Variants in SLC22A13 observed in about 807,000 individuals in gnomAD.
The protein encoded by SLC22A13 is solute carrier family 22 member 13, also known as organic anion transporter 10.
Under a neutral mutation model 49.1 loss-of-function variants are expected in SLC22A13, and 42 were observed. The observed-to-expected ratio is 0.85, with a 90% CI of 0.67 to 1.11. The LOEUF (loss-of-function observed/expected upper bound fraction) is 1.11. SLC22A13 is among the 50% of genes least tolerant of loss of function. SLC22A13 has a pLI of 0.00. For synonymous variants in SLC22A13, 282 were observed against 293.1 expected (o/e 0.96, Z 0.39); for missense variants, 694 against 712.8 (o/e 0.97, Z 0.30).
chr3:38,274,210 G>C, intron 1 of SLC22A13, 62 bp from the exon 2 acceptor site: 1 of 1,210,736 alleles, frequency 8.3e-7, no homozygotes, highest in South Asian at 1.2e-5. Context: ...TAGTGGGACA[G>C]GTGGTGTAGG....
intron 1 of SLC22A13, among the ~76,000 whole-genome samples, chr3:38,269,294 G>A (rs926846512): frequency 6.6e-6 from 1 of 151,710 alleles, no homozygotes; most frequent in Non-Finnish European, 1.5e-5. Flanking sequence ...GTCTTGCTCT[G>A]TCACCCAGGC....
chr3:38,274,244 G>T, intron 1 of SLC22A13, 28 bp from the exon 2 acceptor site: 1 of 1,547,382 alleles, frequency 6.5e-7, no homozygotes, highest in South Asian at 1.1e-5. Flanking sequence ...GCAGCCCCTG[G>T]ACTCACATCT....
chr3:38,274,898 A>G, intron 3 of SLC22A13, 91 bp from the exon 4 acceptor site: 1 of 1,563,424 alleles, frequency 6.4e-7, no homozygotes, highest in Non-Finnish European at 8.8e-7. Flanking sequence ...CTGTGTTGGC[A>G]CTGAGGCCCA....
chr3:38,272,874 C>T lies in SLC22A13; in HGVS notation c.379-1398C>T, dbSNP rs531516266. Among the ~76,000 whole-genome samples the T allele has an allele frequency of 8.5e-5, 13 of 152,300 alleles. No individual in the cohort carries two copies. In the South Asian group the frequency reaches 2.7e-3, roughly 32 times the overall value. ...ATTCATTCAGCAGACATCCTCTTAG[C>T]CTTCACTCAGATTCATTCCCTGTCT... On this transcript the variant is annotated intron_variant, in intron 1 of 9. Coordinates refer to ENST00000311856, the MANE Select transcript of SLC22A13 (RefSeq NM_004256.4).
chr3:38,271,602 G>A (rs1346010155), intron 1 of SLC22A13, among the ~76,000 whole-genome samples: 2 of 150,482 alleles, frequency 1.3e-5, no homozygotes, highest in African/African-American at 2.5e-5. Flanking sequence ...CTTGGAATGG[G>A]AAGGTGGGAA....
chr3:38,267,975 G>A (rs1212651041), intron 1 of SLC22A13, among the ~76,000 whole-genome samples: 1 of 152,106 alleles, frequency 6.6e-6, no homozygotes, highest in African/African-American at 2.4e-5. Context: ...GAGGGGTAGG[G>A]GTATAGGAAT....
chr3:38,276,911 G>A lies in SLC22A13; in HGVS notation c.1347-1G>A. 4 of 1,613,132 alleles carry A rather than the reference G, an allele frequency of 2.5e-6. No homozygotes were observed. Among genetic ancestry groups the A allele is most frequent in the African/African-American group, 1.3e-5 (1 of 75,036 alleles). On this transcript the variant is annotated splice_acceptor_variant, in intron 8 of 9. Coordinates refer to ENST00000311856, the MANE Select transcript of SLC22A13 (RefSeq NM_004256.4). LOFTEE classifies it high-confidence loss of function. ...CTTAGCTTGCCCTGGTCTTCCCCCA[G>A]GCAGACAGGCATGGGGCTGGTGGGC...
intron 8 of SLC22A13, 103 bp from the exon 9 acceptor site, chr3:38,276,809 G>A: frequency 1.0e-6 from 1 of 998,964 alleles, no homozygotes; most frequent in South Asian, 1.5e-5. Flanking sequence ...TGGAGACCCT[G>A]CAGACCTTTG....
Position 38,266,107 on chromosome 3 carries a change from T to TG in SLC22A13, c.248dup (p.Cys83TrpfsTer23), listed in dbSNP as rs1351221404. The TG allele has an allele frequency of 6.2e-7, 1 of 1,614,096 alleles. No homozygotes were observed. On this transcript the variant is annotated frameshift_variant, in exon 1 of 10. Coordinates refer to ENST00000311856, the MANE Select transcript of SLC22A13 (RefSeq NM_004256.4). LOFTEE classifies it high-confidence loss of function. Reference sequence around the variant, plus strand: ...GGACACTGCAGGTCACCCAGAGCCCTGCCTCATGTTCCGGCCACCCCCCGC... The same window carrying TG: ...GGACACTGCAGGTCACCCAGAGCCCTGGCCTCATGTTCCGGCCACCCCCCGC...
intron 1 of SLC22A13, among the ~76,000 whole-genome samples, chr3:38,273,491 G>T (rs527567047): frequency 8.5e-5 from 13 of 152,162 alleles, no homozygotes; most frequent in African/African-American, 3.1e-4. Flanking sequence ...CTGATTGCCT[G>T]TGAATGGTGG....
At chr3:38,275,555 C>T in intron 5 of SLC22A13, 23 bp from the exon 6 acceptor site, 1 of 1,614,026 alleles carries the variant, frequency 6.2e-7, no homozygotes, top group Non-Finnish European at 8.5e-7. Flanking sequence ...TGCCTGGCTT[C>T]TCACTCTGCT....
rs140329485 is a variant in SLC22A13 at position 38,266,177 on chromosome 3, C to T, written c.317C>T (p.Thr106Met). 225 of 1,614,196 alleles carry T rather than the reference C, an allele frequency of 1.4e-4. No homozygotes were observed. The highest frequency in any genetic ancestry group is 2.8e-4 in the Admixed American group (17 of 60,028). Reference protein sequence around the residue: ...QDILSHRFNETQPCDMGWEYP... With the variant: ...QDILSHRFNEMQPCDMGWEYP... ...ATCCTCAGCCACCGCTTCAATGAGA[C>T]GCAGCCTTGTGATATGGGCTGGGAA... The change falls in exon 1 of 10, where the codon ACG becomes ATG. Residue 106 changes from threonine (T) to methionine (M), a missense_variant. Physicochemically the swap from Thr to Met is moderately conservative, Grantham distance 81. Transcript: ENST00000311856.
At chr3:38,271,329 C>T (rs534251485) in intron 1 of SLC22A13, among the ~76,000 whole-genome samples, 1 of 152,012 alleles carries the variant, frequency 6.6e-6, no homozygotes, top group East Asian at 1.9e-4. Flanking sequence ...CTTTGGGAGG[C>T]TGAGGCAGGA....
In SLC22A13 at chr3:38,271,542, C is replaced by CAA. The variant is rs397837435; in HGVS notation, c.379-2704_379-2703dup. 4.8e-4 allele frequency among the ~76,000 whole-genome samples: 23 copies of CAA among 48,406 alleles called. 1 individual carries two copies. Among genetic ancestry groups the CAA allele is most frequent in the South Asian group, 2.0e-3 (2 of 982 alleles). 31.8% of individuals were successfully genotyped at this position (48,406 alleles called of 152,430 possible). On this transcript the variant is annotated intron_variant, in intron 1 of 9. Transcript: ENST00000311856. ...ACTCCAGCCTGGGGAGACGCTTTCTCAAAAAAAAAAAAAAAAAAAAAAAAA... is the reference window on the plus strand; with the variant it reads ...ACTCCAGCCTGGGGAGACGCTTTCTCAAAAAAAAAAAAAAAAAAAAAAAAAAA...
intron 1 of SLC22A13, among the ~76,000 whole-genome samples, chr3:38,267,009 G>A (rs1214117561): frequency 6.6e-6 from 1 of 152,192 alleles, no homozygotes; most frequent in Non-Finnish European, 1.5e-5. Flanking sequence ...TCTCATGCCA[G>A]ATACCTGCTG....
intron 1 of SLC22A13, chr3:38,270,395 A>G: frequency 4.6e-6 from 1 of 215,842 alleles, no homozygotes; most frequent in South Asian, 8.4e-5. Flanking sequence ...AAGTTTTACA[A>G]GAGTAGAGGG....
intron 1 of SLC22A13, among the ~76,000 whole-genome samples, chr3:38,273,010 A>G (rs952780848): frequency 1.3e-5 from 2 of 152,186 alleles, no homozygotes; most frequent in East Asian, 1.9e-4. Context: ...AAGGATTATT[A>G]TTAGAATTCT....
In SLC22A13 at chr3:38,265,982, T is replaced by G. The variant is rs748295003; in HGVS notation, c.122T>G (p.Phe41Cys). ...CCCTTCTACTTTTTTGCCCATGTCT[T>G]CATGGTCCTAGATGAGCCCCACCAC... is the stretch of plus-strand genomic sequence containing the variant. ...LSPFYFFAHV[F>C]MVLDEPHHCA... Residue 41 changes from phenylalanine to cysteine, a missense_variant, in exon 1 of 10, where the codon TTC becomes TGC. Phe to Cys is a radical substitution (Grantham distance 205, BLOSUM62 -2). Transcript: ENST00000311856. 1 of 1,614,018 alleles carries G rather than the reference T, an allele frequency of 6.2e-7. No individual in the cohort carries two copies. Among genetic ancestry groups the G allele is most frequent in the East Asian group, 2.2e-5 (1 of 44,888 alleles).
chr3:38,275,535 C>T (rs776854823), intron 5 of SLC22A13, 43 bp from the exon 6 acceptor site: 39 of 1,613,838 alleles, frequency 2.4e-5, no homozygotes, highest in Admixed American at 3.3e-5. Flanking sequence ...CAGACCCACA[C>T]GGATCTTCCT....
Sources: allele counts gnomAD v4.1 joint callset (sites outside exome capture counted in the v4.1 genomes callset), GRCh38; gene constraint gnomAD v4.1.1; transcripts MANE v1.5; gene names NCBI Gene and HGNC (gene_info 2026-07-23, HGNC 2026-07-21).